ARMC2: variants seen among roughly 807,000 people sequenced by gnomAD.
ARMC2 encodes armadillo repeat-containing protein 2.
Under a neutral mutation model 90.3 loss-of-function variants are expected in ARMC2, and 67 were observed. The ratio of observed to expected loss-of-function variants is 0.74; its 90% CI spans 0.61 to 0.91. The LOEUF (loss-of-function observed/expected upper bound fraction) is 0.91. Ranked by LOEUF, ARMC2 falls within the 40% of genes least tolerant of loss-of-function variation. ARMC2 has a pLI of 0.00. For missense variants in ARMC2, 920 were observed against 1,030.9 expected (o/e 0.89, Z 1.47); for synonymous variants, 393 against 393.0 (o/e 1.00, Z 0.00).
chr6:108,889,610 T>G (rs970484371), intron 5 of ARMC2, among the ~76,000 whole-genome samples: 4 of 151,818 alleles, frequency 2.6e-5, no homozygotes, highest in African/African-American at 7.3e-5. Flanking sequence ...TAGATAGTTT[T>G]AAAATTTTTT....
chr6:108,894,649 C>A, intron 6 of ARMC2, 106 bp downstream of exon 6: 3 of 930,430 alleles, frequency 3.2e-6, no homozygotes, highest in Non-Finnish European at 4.7e-6. Flanking sequence ...GAAGTTTGTC[C>A]AATTTGGTCA....
chr6:109,023,612 T>C, the ARMC2 span, among the ~76,000 whole-genome samples: 29 of 152,328 alleles, frequency 1.9e-4, no homozygotes, highest in South Asian at 6.0e-3. Flanking sequence ...TGGGGACATA[T>C]GTTTATCTTA....
the ARMC2 span, among the ~76,000 whole-genome samples, chr6:109,023,718 A>G: frequency 2.6e-5 from 4 of 152,210 alleles, no homozygotes; most frequent in Admixed American, 2.6e-4. Context: ...TACTAAAGAG[A>G]AAGCAACAGG....
chr6:109,001,432 A>C, the ARMC2 span: 3 of 1,613,926 alleles, frequency 1.9e-6, no homozygotes, highest in Admixed American at 3.3e-5. Flanking sequence ...CCAAAGCAGC[A>C]AAAGAATCTG....
chr6:108,998,421 G>A, the ARMC2 span: 1 of 1,475,516 alleles, frequency 6.8e-7, no homozygotes, highest in South Asian at 1.3e-5. Context: ...GTCTTAACAG[G>A]GTGGGTTTTT....
At chr6:109,032,045 GGA>G in the ARMC2 span, among the ~76,000 whole-genome samples, 1 of 151,984 alleles carries the variant, frequency 6.6e-6, no homozygotes, top group Non-Finnish European at 1.5e-5. Context: ...AATTTTCCGC[GGA>G]TCACCTGAGG....
At chr6:108,987,852 G>A in the ARMC2 span, among the ~76,000 whole-genome samples, 1 of 143,546 alleles carries the variant, frequency 7.0e-6, no homozygotes, top group Admixed American at 7.1e-5. Context: ...TCCCAGGCTC[G>A]GGTGCAGTGG....
chr6:108,990,837 T>C, the ARMC2 span: 1 of 1,612,374 alleles, frequency 6.2e-7, no homozygotes, highest in Non-Finnish European at 8.5e-7. Flanking sequence ...GCAATAGTCC[T>C]AAATACAGGG....
chr6:109,000,443 C>T, the ARMC2 span: 1 of 1,369,352 alleles, frequency 7.3e-7, no homozygotes, highest in Non-Finnish European at 9.6e-7. Context: ...TAAAACTGCT[C>T]TAAAAAAGTC....
chr6:108,897,924 A>G (rs1270463844), intron 6 of ARMC2, among the ~76,000 whole-genome samples: 1 of 152,184 alleles, frequency 6.6e-6, no homozygotes, highest in African/African-American at 2.4e-5. Context: ...TTACTAAGGT[A>G]TTACACACAT....
At chr6:108,855,250 C>CT (rs1256172618) in intron 2 of ARMC2, among the ~76,000 whole-genome samples, 2,036 of 138,116 alleles carry the variant, frequency 0.015, 35 homozygotes, top group African/African-American at 0.036. Context: ...TTTTGTTTTT[C>CT]TTTTTTTTTT....
At chr6:109,027,476 C>CAAAAAAA in the ARMC2 span, among the ~76,000 whole-genome samples, 3 of 27,312 alleles carry the variant, frequency 1.1e-4, no homozygotes, top group Admixed American at 3.7e-4. Flanking sequence ...GACTCTGTCT[C>CAAAAAAA]AAAAAAAAAA....
chr6:108,856,915 C>G (rs969174794), intron 2 of ARMC2, among the ~76,000 whole-genome samples: 3 of 152,194 alleles, frequency 2.0e-5, no homozygotes, highest in Non-Finnish European at 4.4e-5. Context: ...CTATTCTGTT[C>G]CATTGATCTG....
intron 8 of ARMC2, chr6:108,907,611 A>T: frequency 6.4e-7 from 1 of 1,567,146 alleles, no homozygotes; most frequent in Non-Finnish European, 8.8e-7. Context: ...TGTCCTCTTC[A>T]GTGGTATTTG....
chr6:108,970,494 C>CTTTTTTTTTTTTTTTTTTTTTTTTTTTTT (rs1156823883), intron 17 of ARMC2, among the ~76,000 whole-genome samples: 1 of 117,342 alleles, frequency 8.5e-6, no homozygotes, highest in Non-Finnish European at 1.8e-5. Flanking sequence ...CTTCTCTTTT[C>CTTTTTTTTTTTTTTTTTTTTTTTTTTTTT]TTTTTTTTTT....
chr6:108,857,678 C>T (rs1774788164), intron 2 of ARMC2, among the ~76,000 whole-genome samples: 1 of 152,134 alleles, frequency 6.6e-6, no homozygotes, highest in South Asian at 2.1e-4. Context: ...TCCCAGTTTG[C>T]TAAGAATTTT....
chr6:108,913,268 T>C (rs546650233), intron 10 of ARMC2, among the ~76,000 whole-genome samples: 29 of 152,338 alleles, frequency 1.9e-4, no homozygotes, highest in African/African-American at 6.7e-4. Context: ...TCGAAATGTG[T>C]TTGTCAATTA....
At position 108,869,089 on chromosome 6, in the gene ARMC2, G is replaced by A. The variant is rs555391858; in HGVS notation, c.463+94G>A. On this transcript the variant is annotated intron_variant, in intron 4 of 17. Coordinates refer to ENST00000392644, the MANE Select transcript of ARMC2 (RefSeq NM_032131.6). ...ATTTTATATGATTTTTCCTAACCCT[G>A]GATGATTTTTATATTAACTAAGATT... 2.0e-5 allele frequency: 26 copies of A among 1,330,268 alleles called. 2 individuals carry two copies. The South Asian group carries it at 4.2e-4, about 21-fold the overall frequency. The allele number at this position is 1,330,268 out of a possible 1,614,324, so 82.4% of individuals were successfully genotyped here. A position where few individuals can be genotyped will look rare whatever the true frequency, so the allele number is the denominator to read the frequency against.
intron 10 of ARMC2, among the ~76,000 whole-genome samples, chr6:108,919,143 CA>C (rs11317481): frequency 0.73 from 110,929 of 151,898 alleles, 41,020 homozygotes; most frequent in Middle Eastern, 0.82. Flanking sequence ...GAGAGGCCTT[CA>C]ACTGAAGTCT....
Sources: allele counts gnomAD v4.1 joint callset (sites outside exome capture counted in the v4.1 genomes callset), GRCh38; gene constraint gnomAD v4.1.1; transcripts MANE v1.5; gene names NCBI Gene and HGNC (gene_info 2026-07-23, HGNC 2026-07-21).